MAPDA: variants seen among roughly 807,000 people sequenced by gnomAD.
MAPDA encodes the protein N6,N6-dimethyl-AMP deaminase.
At chr15:43,351,703 A>G in the MAPDA span, 271,786 of 1,481,918 alleles carry the variant, frequency 0.18, 26,588 homozygotes, top group Middle Eastern at 0.26. Flanking sequence ...GTTGTTTTTG[A>G]AAAATCCTTC....
the MAPDA span, chr15:43,352,202 A>G: frequency 3.2e-3 from 1,136 of 353,648 alleles, 17 homozygotes; most frequent in African/African-American, 0.022. Flanking sequence ...ATTGTGACTC[A>G]GCAGTCCTTC....
At chr15:43,333,131 T>G in the MAPDA span, among the ~76,000 whole-genome samples, 2 of 152,054 alleles carry the variant, frequency 1.3e-5, no homozygotes, top group African/African-American at 4.8e-5. Flanking sequence ...GGAGTAAAAT[T>G]GAAAATCTGG....
the MAPDA span, among the ~76,000 whole-genome samples, chr15:43,340,677 G>A: frequency 6.6e-6 from 1 of 152,112 alleles, no homozygotes; most frequent in Non-Finnish European, 1.5e-5. Flanking sequence ...GAGCCACCGT[G>A]CCCATCCTGA....
chr15:43,330,566 C>T, the MAPDA span: 1 of 1,456,992 alleles, frequency 6.9e-7, no homozygotes, highest in Non-Finnish European at 9.0e-7. Context: ...TCACGGACCT[C>T]GGTAGGGGGA....
chr15:43,331,887 G>A, the MAPDA span: 1 of 152,196 alleles, frequency 6.6e-6, no homozygotes, highest in Admixed American at 6.5e-5. Flanking sequence ...AGAGTCTTTT[G>A]TTTTGTTTTC....
chr15:43,345,902 GACTGTAAA>G, the MAPDA span: 47 of 1,614,106 alleles, frequency 2.9e-5, no homozygotes, highest in Non-Finnish European at 4.0e-5. Context: ...TAGCCAAGGA[GACTGTAAA>G]ACTTGCCGAG....
the MAPDA span, among the ~76,000 whole-genome samples, chr15:43,342,129 A>G: frequency 1.3e-5 from 2 of 152,086 alleles, no homozygotes. Flanking sequence ...ATGAGCCACC[A>G]CACCCTATTT....
At chr15:43,340,940 T>C in the MAPDA span, among the ~76,000 whole-genome samples, 6 of 152,230 alleles carry the variant, frequency 3.9e-5, no homozygotes, top group Admixed American at 3.9e-4. Context: ...TCATGTTTTA[T>C]GGTAGTTACT....
At chr15:43,339,012 C>T in the MAPDA span, among the ~76,000 whole-genome samples, 1 of 152,248 alleles carries the variant, frequency 6.6e-6, no homozygotes, top group African/African-American at 2.4e-5. Context: ...GCATTAGTCT[C>T]ATGTGAGCTG....
chr15:43,332,882 G>A, the MAPDA span, among the ~76,000 whole-genome samples: 2 of 152,236 alleles, frequency 1.3e-5, no homozygotes, highest in East Asian at 1.9e-4. Flanking sequence ...GTTGCCTTCC[G>A]TCCCAGAGCA....
the MAPDA span, chr15:43,335,832 T>C: frequency 1.9e-6 from 3 of 1,610,386 alleles, no homozygotes; most frequent in Non-Finnish European, 1.7e-6. Context: ...GAAGAGTAAG[T>C]GTGGGGAGGT....
At chr15:43,351,104 G>A in the MAPDA span, 19 of 1,433,984 alleles carry the variant, frequency 1.3e-5, no homozygotes, top group East Asian at 2.5e-5. Flanking sequence ...TAATTCAGAT[G>A]TTCACTATCT....
chr15:43,332,801 C>A, the MAPDA span, among the ~76,000 whole-genome samples: 1 of 152,202 alleles, frequency 6.6e-6, no homozygotes, highest in East Asian at 1.9e-4. Flanking sequence ...CCCTGGGAGA[C>A]AGGATACTTG....
At chr15:43,349,083 T>C in the MAPDA span, 1 of 1,613,820 alleles carries the variant, frequency 6.2e-7, no homozygotes. Flanking sequence ...GATGACTCTC[T>C]GTCTCTCCCC....
chr15:43,335,835 G>A, the MAPDA span: 2 of 1,609,874 alleles, frequency 1.2e-6, no homozygotes, highest in Non-Finnish European at 1.7e-6. Flanking sequence ...GAGTAAGTGT[G>A]GGGAGGTTGT....
chr15:43,340,915 T>G, the MAPDA span, among the ~76,000 whole-genome samples: 1 of 152,190 alleles, frequency 6.6e-6, no homozygotes, highest in African/African-American at 2.4e-5. Flanking sequence ...ACAATGCCAT[T>G]GAGTGGATGC....
the MAPDA span, among the ~76,000 whole-genome samples, chr15:43,343,963 CTACTTAATTCATTAATCA>C: frequency 6.6e-6 from 1 of 151,604 alleles, no homozygotes; most frequent in Admixed American, 6.6e-5. Context: ...ACAGAGAAAA[CTACTTAATTCATTAATCA>C]TATATTACAA....
At chr15:43,338,098 A>T in the MAPDA span, among the ~76,000 whole-genome samples, 1 of 152,228 alleles carries the variant, frequency 6.6e-6, no homozygotes, top group Admixed American at 6.5e-5. Flanking sequence ...ACAGTTTAAT[A>T]CTCTATGGGT....
chr15:43,345,269 G>A, the MAPDA span, among the ~76,000 whole-genome samples: 10 of 151,172 alleles, frequency 6.6e-5, no homozygotes, highest in Admixed American at 3.3e-4. Flanking sequence ...CAGGAGAATC[G>A]CTTGGACCCG....
Sources: gnomAD v4.1 joint callset for allele counts (sites outside exome capture counted in the v4.1 genomes callset) on GRCh38, gnomAD v4.1.1 for gene constraint, MANE v1.5 for transcripts, NCBI Gene and HGNC (gene_info 2026-07-23, HGNC 2026-07-21) for gene names.